Variants in NCKAP5 observed in about 807,000 individuals in gnomAD.
NCKAP5 encodes nck-associated protein 5.
A neutral mutation model predicts 167.0 loss-of-function variants in NCKAP5; 92 were observed. The ratio of observed to expected loss-of-function variants is 0.55; its 90% CI spans 0.47 to 0.66. The LOEUF (loss-of-function observed/expected upper bound fraction) is 0.66, where lower values mean the gene tolerates loss of function less well. Ranked by LOEUF, NCKAP5 falls within the 30% of genes least tolerant of loss-of-function variation. The pLI is 0.00. For synonymous variants in NCKAP5, 891 were observed against 877.4 expected, an observed-to-expected ratio of 1.02 and a Z score of -0.27; for missense variants, 2,378 against 2,315.0, an observed-to-expected ratio of 1.03 and a Z score of -0.56.
chr2:133,206,053 G>A (rs1446949830), intron 5 of NCKAP5, among the ~76,000 whole-genome samples: 3 of 152,026 alleles, frequency 2.0e-5, no homozygotes, highest in African/African-American at 7.2e-5. Context: ...TCTTACTCCA[G>A]TAGCTAGGAT....
chr2:133,421,602 C>G (rs1689484162), intron 3 of NCKAP5, among the ~76,000 whole-genome samples: 1 of 152,156 alleles, frequency 6.6e-6, no homozygotes, highest in Non-Finnish European at 1.5e-5. Context: ...CAAGCCATCT[C>G]CAAGCCACAG....
the NCKAP5 span, among the ~76,000 whole-genome samples, chr2:133,655,319 C>T: frequency 0.078 from 11,937 of 152,064 alleles, 610 homozygotes; most frequent in Non-Finnish European, 0.11. Context: ...GCCTTAAGGC[C>T]CATATTGAGA....
chr2:133,664,544 G>A, the NCKAP5 span, among the ~76,000 whole-genome samples: 1 of 152,084 alleles, frequency 6.6e-6, no homozygotes, highest in Non-Finnish European at 1.5e-5. Flanking sequence ...TCTGTTGCCA[G>A]GCTGGAGTGC....
intron 4 of NCKAP5, among the ~76,000 whole-genome samples, chr2:133,264,226 A>C (rs774189880): frequency 2.0e-5 from 3 of 152,226 alleles, no homozygotes; most frequent in Non-Finnish European, 4.4e-5. Context: ...TTAAAGCTCC[A>C]TCAGCTGTTA....
intron 2 of NCKAP5, among the ~76,000 whole-genome samples, chr2:133,543,749 G>A (rs940381105): frequency 2.0e-5 from 3 of 152,170 alleles, no homozygotes; most frequent in African/African-American, 4.8e-5. Flanking sequence ...TATGAAAACT[G>A]TATCTTTATT....
chr2:133,338,518 C>T (rs1400234986), intron 3 of NCKAP5, among the ~76,000 whole-genome samples: 1 of 152,138 alleles, frequency 6.6e-6, no homozygotes, highest in Non-Finnish European at 1.5e-5. Context: ...TCATAGCATT[C>T]CAGCAAAAAT....
At chr2:133,331,242 T>C (rs1682835475) in intron 3 of NCKAP5, among the ~76,000 whole-genome samples, 1 of 152,202 alleles carries the variant, frequency 6.6e-6, no homozygotes, top group Non-Finnish European at 1.5e-5. Context: ...TGGCAGGTTT[T>C]AATAGTTAAA....
At position 133,519,219 on chromosome 2, in the gene NCKAP5, A is replaced by C. The variant is rs543867196; in HGVS notation, c.-61-1632T>G. Among the ~76,000 whole-genome samples, 6 of 152,320 alleles carry C rather than the reference A, an allele frequency of 3.9e-5. No homozygotes were observed. In the South Asian group the frequency reaches 1.2e-3, roughly 32 times the overall value. ...TATTCCAGCTTAGGCTTCCTCCTCC[A>C]TCTTAGTCATTTTATCTCTTACTTT... On this transcript the variant is annotated intron_variant, in intron 2 of 19. Transcript: ENST00000409261.
chr2:133,319,269 T>C (rs1681858932), intron 3 of NCKAP5, among the ~76,000 whole-genome samples: 1 of 152,084 alleles, frequency 6.6e-6, no homozygotes, highest in Non-Finnish European at 1.5e-5. Context: ...TATCTCATTT[T>C]TGAGGGTAGA....
chr2:133,142,060 G>A (rs2083019765), intron 5 of NCKAP5, among the ~76,000 whole-genome samples: 1 of 152,144 alleles, frequency 6.6e-6, no homozygotes, highest in African/African-American at 2.4e-5. Flanking sequence ...TTATTTCTGG[G>A]AGGTAAGGTT....
chr2:133,216,716 A>G (rs914928318), intron 4 of NCKAP5, among the ~76,000 whole-genome samples: 1 of 152,182 alleles, frequency 6.6e-6, no homozygotes, highest in Non-Finnish European at 1.5e-5. Flanking sequence ...TAATAGAAAG[A>G]TAATACATAA....
intron 3 of NCKAP5, among the ~76,000 whole-genome samples, chr2:133,308,950 T>C (rs1162241692): frequency 6.6e-6 from 1 of 151,384 alleles, no homozygotes; most frequent in East Asian, 1.9e-4. Context: ...GACCTCATGA[T>C]CCACCCGCCT....
At chr2:133,282,243 T>C (rs908609809) in intron 4 of NCKAP5, among the ~76,000 whole-genome samples, 1 of 152,126 alleles carries the variant, frequency 6.6e-6, no homozygotes, top group Non-Finnish European at 1.5e-5. Flanking sequence ...AATGATAAAG[T>C]ATTATTATTT....
chr2:133,256,457 G>A (rs1376411217), intron 4 of NCKAP5, among the ~76,000 whole-genome samples: 1 of 152,056 alleles, frequency 6.6e-6, no homozygotes, highest in East Asian at 1.9e-4. Flanking sequence ...TATTATAAAT[G>A]TTAATAATAT....
At chr2:133,540,649 T>C (rs942333651) in intron 2 of NCKAP5, among the ~76,000 whole-genome samples, 4 of 151,988 alleles carry the variant, frequency 2.6e-5, no homozygotes, top group Admixed American at 6.6e-5. Flanking sequence ...AAAATAGCAA[T>C]TGAAGGCCAG....
intron 3 of NCKAP5, among the ~76,000 whole-genome samples, chr2:133,513,770 GAAGAA>G (rs960774378): frequency 1.3e-5 from 2 of 152,146 alleles, no homozygotes; most frequent in African/African-American, 4.8e-5. Flanking sequence ...TTGTGGGGGA[GAAGAA>G]AAGAGGGTAC....
At chr2:133,086,969 A>T (rs923679833) in intron 6 of NCKAP5, among the ~76,000 whole-genome samples, 1 of 152,170 alleles carries the variant, frequency 6.6e-6, no homozygotes, top group Non-Finnish European at 1.5e-5. Context: ...GTAAATTTTT[A>T]AAAATCTAGA....
At chr2:133,535,472 T>C (rs1004564104) in intron 2 of NCKAP5, among the ~76,000 whole-genome samples, 3 of 152,180 alleles carry the variant, frequency 2.0e-5, no homozygotes, top group African/African-American at 7.2e-5. Flanking sequence ...CAGTATTTCA[T>C]TCTATTTCAT....
chr2:133,121,992 T>C (rs1402765239), intron 6 of NCKAP5: 2 of 152,234 alleles, frequency 1.3e-5, no homozygotes, highest in African/African-American at 2.4e-5. Flanking sequence ...GTTCCATACT[T>C]TATGACTTCG....
Sources: allele counts gnomAD v4.1 joint callset (sites outside exome capture counted in the v4.1 genomes callset), GRCh38; gene constraint gnomAD v4.1.1; transcripts MANE v1.5; gene names NCBI Gene and HGNC (gene_info 2026-07-23, HGNC 2026-07-21).